WDR27: variants seen among roughly 807,000 people sequenced by gnomAD.
The protein encoded by WDR27 is WD repeat-containing protein 27.
WDR27 carries 100 observed loss-of-function variants against 114.4 expected under a neutral mutation model. That is an observed-to-expected ratio of 0.87 (90% CI 0.74 to 1.03). WDR27 has a LOEUF of 1.03. Ranked by LOEUF, WDR27 falls within the 50% of genes least tolerant of loss-of-function variation. WDR27 has a pLI of 0.00. For missense variants in WDR27, 1,129 were observed against 1,092.9 expected, an observed-to-expected ratio of 1.03 and a Z score of -0.47; for synonymous variants, 449 against 423.1, an observed-to-expected ratio of 1.06 and a Z score of -0.75.
At chr6:169,650,354 A>C in intron 14 of WDR27, among the ~76,000 whole-genome samples, 1 of 101,934 alleles carries the variant, frequency 9.8e-6, no homozygotes. Flanking sequence ...TCATCTCTGC[A>C]TCCCTCCATC....
chr6:169,472,728 T>A (rs1450614956), intron 25 of WDR27, among the ~76,000 whole-genome samples: 3 of 152,228 alleles, frequency 2.0e-5, no homozygotes, highest in East Asian at 3.8e-4. Flanking sequence ...TTTTGGCCTG[T>A]GTGAGCATTA....
Position 169,583,502 on chromosome 6 carries a change from TATGTATATATACACAC to T in WDR27, c.2425-584_2425-569del, listed in dbSNP as rs1320962975. Reference sequence around the variant, plus strand: ...GTGTATATATACATATATATATATATATGTATATATACACACACACACACACACACACACACACATA... The same window carrying T: ...GTGTATATATACATATATATATATATACACACACACACACACACACACATA... On this transcript the variant is annotated intron_variant, in intron 23 of 25. Transcript: ENST00000448612. Among the ~76,000 whole-genome samples, 135 of 67,410 alleles carry T rather than the reference TATGTATATATACACAC, an allele frequency of 2.0e-3. 1 individual carries two copies. Among genetic ancestry groups the T allele is most frequent in the South Asian group, 8.7e-3 (21 of 2,404 alleles). The allele number at this position is 67,410 out of a possible 152,430, so 44.2% of individuals were successfully genotyped here.
At chr6:169,531,280 A>AT (rs1023880675) in intron 25 of WDR27, among the ~76,000 whole-genome samples, 1 of 152,032 alleles carries the variant, frequency 6.6e-6, no homozygotes. Context: ...TTGAATCTTC[A>AT]TTTTTTTTCT....
chr6:169,634,026 AT>A, intron 20 of WDR27, among the ~76,000 whole-genome samples: 1 of 152,346 alleles, frequency 6.6e-6, no homozygotes, highest in Non-Finnish European at 1.5e-5. Flanking sequence ...GGTGTTAGCC[AT>A]AAAAATCTCA....
rs369102527 is a variant in WDR27, at chr6:169,613,556, T to C, written c.2321+3A>G. 2.5e-6 allele frequency: 4 copies of C among 1,612,864 alleles called. No individual in the cohort carries two copies. Among genetic ancestry groups the C allele is most frequent in the Non-Finnish European group, 3.4e-6 (4 of 1,179,046 alleles). On this transcript the variant is annotated splice_donor_region_variant and intron_variant, in intron 22 of 25. Transcript: ENST00000448612. ...TGCAGTGCAGGGCGCAGGACAGCCT[T>C]ACCTCAGGGTTCTCAGGTCCCACAG...
intron 25 of WDR27, among the ~76,000 whole-genome samples, chr6:169,569,648 C>T (rs1801051727): frequency 6.6e-6 from 1 of 152,100 alleles, no homozygotes; most frequent in African/African-American, 2.4e-5. Flanking sequence ...TAAGAAGTCA[C>T]AAGTCCAAGG....
At chr6:169,584,848 C>A (rs942497141) in intron 23 of WDR27, among the ~76,000 whole-genome samples, 12 of 152,126 alleles carry the variant, frequency 7.9e-5, no homozygotes, top group African/African-American at 2.7e-4. Flanking sequence ...TTTTCCCAGT[C>A]CATAGGTTGC....
chr6:169,430,024 C>T, the WDR27 span, among the ~76,000 whole-genome samples: 1 of 152,218 alleles, frequency 6.6e-6, no homozygotes, highest in Non-Finnish European at 1.5e-5. Context: ...GTTCCACCAT[C>T]TTCAAGGGCC....
chr6:169,520,784 C>T (rs1794279543), intron 25 of WDR27, among the ~76,000 whole-genome samples: 1 of 151,294 alleles, frequency 6.6e-6, no homozygotes, highest in Admixed American at 6.6e-5. Context: ...ATGGATCAAG[C>T]AGAGGAAAGA....
intron 1 of WDR27, among the ~76,000 whole-genome samples, chr6:169,696,281 G>A (rs1449218999): frequency 6.6e-6 from 1 of 152,162 alleles, no homozygotes. Context: ...GTGACCCAAG[G>A]GTTGAGATGG....
chr6:169,623,190 G>A, intron 21 of WDR27, among the ~76,000 whole-genome samples: 1 of 152,076 alleles, frequency 6.6e-6, no homozygotes, highest in Non-Finnish European at 1.5e-5. Context: ...GGTTCAGCTG[G>A]TCGTGCGGCC....
At chr6:169,587,996 A>G (rs1804980631) in intron 23 of WDR27, among the ~76,000 whole-genome samples, 3 of 152,172 alleles carry the variant, frequency 2.0e-5, no homozygotes, top group African/African-American at 2.4e-5. Context: ...GGCACTTCCT[A>G]TGGGCCCCAT....
chr6:169,601,646 G>C (rs1808008390), intron 23 of WDR27, among the ~76,000 whole-genome samples: 1 of 152,182 alleles, frequency 6.6e-6, no homozygotes, highest in African/African-American at 2.4e-5. Flanking sequence ...AGTATTCTTG[G>C]GGCGAATGGG....
At chr6:169,608,931 G>A (rs1336623737) in intron 22 of WDR27, among the ~76,000 whole-genome samples, 4 of 152,202 alleles carry the variant, frequency 2.6e-5, no homozygotes, top group African/African-American at 9.6e-5. Context: ...GGTAAATACA[G>A]TCATTCCAAA....
chr6:169,450,948 TAAATC>T, the WDR27 span, among the ~76,000 whole-genome samples: 2 of 151,984 alleles, frequency 1.3e-5, no homozygotes, highest in Non-Finnish European at 1.5e-5. Flanking sequence ...GAAAGGAAAA[TAAATC>T]AATCACTAAA....
intron 21 of WDR27, among the ~76,000 whole-genome samples, chr6:169,631,171 T>C (rs146809667): frequency 6.6e-5 from 10 of 152,328 alleles, no homozygotes; most frequent in African/African-American, 1.4e-4. Context: ...GCCGTTTTCA[T>C]AGCCTTGTAA....
At chr6:169,669,400 C>T (rs1309820834) in intron 4 of WDR27, 1 of 152,242 alleles carries the variant, frequency 6.6e-6, no homozygotes, top group Non-Finnish European at 1.5e-5. Context: ...TGCTTACTCA[C>T]CTGCTATGTG....
At chr6:169,454,795 CAGCAGGCTAGACAG>C (rs1185413268), downstream of WDR27, among the ~76,000 whole-genome samples, 1 of 152,236 alleles carries the variant, frequency 6.6e-6, no homozygotes, top group Non-Finnish European at 1.5e-5. Flanking sequence ...ATCACGGAGA[CAGCAGGCTAGACAG>C]AGCCGGGGCT....
At chr6:169,507,989 C>A (rs905067842) in intron 25 of WDR27, among the ~76,000 whole-genome samples, 1 of 152,180 alleles carries the variant, frequency 6.6e-6, no homozygotes, top group Admixed American at 6.5e-5. Flanking sequence ...TCATAGTATA[C>A]CCATCATGTC....
Sources: gnomAD v4.1 joint callset for allele counts (sites outside exome capture counted in the v4.1 genomes callset) on GRCh38, gnomAD v4.1.1 for gene constraint, MANE v1.5 for transcripts, NCBI Gene and HGNC (gene_info 2026-07-23, HGNC 2026-07-21) for gene names.